DHX33: variants seen among roughly 807,000 people sequenced by gnomAD.
DHX33 encodes DEAH-box helicase 33, also known as ATP-dependent RNA helicase DHX33.
DHX33 carries 42 observed loss-of-function variants against 72.5 expected under a neutral mutation model. That is an observed-to-expected ratio of 0.58 (90% confidence interval 0.45 to 0.75). The LOEUF (loss-of-function observed/expected upper bound fraction) is 0.75, where lower values mean the gene tolerates loss of function less well. DHX33 is among the 30% of genes least tolerant of loss of function. The pLI is 0.00. For synonymous variants in DHX33, 358 were observed against 366.1 expected, an observed-to-expected ratio of 0.98 and a Z score of 0.25; for missense variants, 842 against 917.5, an observed-to-expected ratio of 0.92 and a Z score of 1.06.
chr17:5,454,410 A>G (rs889879315), intron 6 of DHX33, among the ~76,000 whole-genome samples: 4 of 152,158 alleles, frequency 2.6e-5, no homozygotes, highest in Admixed American at 2.0e-4. Flanking sequence ...AATGCCTCAA[A>G]TCACTTGTGT....
rs1445084445 is a variant in DHX33 at position 5,441,397 on chromosome 17, G to A, written c.*2808C>T. On this transcript the variant is annotated 3_prime_UTR_variant, in exon 12 of 12. Coordinates refer to ENST00000225296, the MANE Select transcript of DHX33 (RefSeq NM_020162.4). ...ACACCTGAGGCATGCAATCTGCTTG[G>A]AGTGCATCTATTTACATGAAGCTGC... 2.0e-5 allele frequency: 3 copies of A among 152,156 alleles called. No homozygotes were observed. The highest frequency in any genetic ancestry group is 1.3e-4 in the Admixed American group (2 of 15,274). The allele number at this position is 152,156 out of a possible 1,614,324, so 9.4% of individuals were successfully genotyped here. A position where few individuals can be genotyped will look rare whatever the true frequency, so the allele number is the denominator to read the frequency against.
Position 5,468,705 on chromosome 17 carries a change from T to A in DHX33, c.155A>T (p.Gln52Leu). ...GGCCGAGGGCTGGGCCAGGGGCGGC[T>A]GCTGCCTCCGGCCTCCTCCTCCTCC... is the stretch of plus-strand genomic sequence containing the variant. ...GRGGGGGRRQ[Q>L]PPLAQPSASP... is the part of the protein sequence containing the mutation. The change falls in exon 1 of 12, where the codon CAG becomes CTG. Residue 52 changes from glutamine to leucine, a missense_variant. Physicochemically the swap from Gln to Leu is moderately radical, Grantham distance 113. Coordinates refer to ENST00000225296, the MANE Select transcript of DHX33 (RefSeq NM_020162.4). The A allele has an allele frequency of 6.2e-7, 1 of 1,611,284 alleles. No homozygotes were observed. Among genetic ancestry groups the A allele is most frequent in the Non-Finnish European group, 8.5e-7 (1 of 1,179,182 alleles).
chr17:5,466,476 T>C (rs1472220380), intron 1 of DHX33, among the ~76,000 whole-genome samples: 1 of 152,144 alleles, frequency 6.6e-6, no homozygotes. Context: ...CCCCCTGCTT[T>C]CAGCCCTCAG....
In DHX33 at chr17:5,462,413, T is replaced by G; in HGVS notation, c.584A>C (p.Glu195Ala). 1 of 1,614,200 alleles carries G rather than the reference T, an allele frequency of 6.2e-7. No individual in the cohort carries two copies. Among genetic ancestry groups the G allele is most frequent in the Non-Finnish European group, 8.5e-7 (1 of 1,180,036 alleles). The change falls in exon 3 of 12, where the codon GAA becomes GCA. Residue 195 changes from glutamate (E) to alanine (A), a missense_variant. Coordinates refer to ENST00000225296, the MANE Select transcript of DHX33 (RefSeq NM_020162.4). ...TGTGTGGATAGTCCGTTCGTGAGCT[T>G]CATCCAAAATGACACAGCTGTATTT... Reference protein sequence around the residue: ...LRKYSCVILDEAHERTIHTDV... With the variant: ...LRKYSCVILDAAHERTIHTDV...
intron 11 of DHX33, among the ~76,000 whole-genome samples, chr17:5,446,585 C>T (rs1037823334): frequency 9.9e-5 from 15 of 152,148 alleles, no homozygotes; most frequent in Non-Finnish European, 1.3e-4. Context: ...ATAAAAAGTA[C>T]TCAGAACAGT....
In DHX33 at chr17:5,453,616, C is replaced by T. The variant is rs146917957; in HGVS notation, c.1360G>A (p.Val454Met). 63 of 1,614,168 alleles carry T rather than the reference C, an allele frequency of 3.9e-5. 1 individual carries two copies. The Middle Eastern group carries it at 4.9e-4, about 13-fold the overall frequency. ...LQLLAMKVPNVLTFDFMSKPS... is the reference protein window; with the variant it reads ...LQLLAMKVPNMLTFDFMSKPS... ...TTCGACATGAAGTCAAAGGTGAGCA[C>T]ATTTGGGACTTTCATTGCTAGAAGC... Residue 454 changes from valine to methionine, a missense_variant, in exon 8 of 12, where the codon GTG (valine) becomes ATG (methionine). Physicochemically the swap from Val to Met is conservative, Grantham distance 21. Transcript: ENST00000225296.
rs749610314 is a variant in DHX33 at position 5,456,034 on chromosome 17, T to C, written c.998A>G (p.Tyr333Cys). ...LVLPLYASLP[Y>C]AQQLRVFQGA... ...TTGGAAGACTCGGAGCTGCTGTGCA[T>C]AGGGCAGGGAGGCGTACAGAGGAAG... Residue 333 changes from tyrosine to cysteine, a missense_variant, in exon 5 of 12, where the codon TAT becomes TGT. Tyr to Cys is a radical substitution (Grantham distance 194). Coordinates refer to ENST00000225296, the MANE Select transcript of DHX33 (RefSeq NM_020162.4). 4 of 1,612,874 alleles carry C rather than the reference T, an allele frequency of 2.5e-6. No homozygotes were observed. In the African/African-American group the frequency reaches 4.0e-5, roughly 16 times the overall value.
In DHX33 at chr17:5,444,024, A is replaced by G; in HGVS notation, c.*181T>C. The G allele has an allele frequency of 1.6e-6, 1 of 621,812 alleles. No individual in the cohort carries two copies. Among genetic ancestry groups the G allele is most frequent in the Non-Finnish European group, 2.6e-6 (1 of 379,702 alleles). 38.5% of individuals were successfully genotyped at this position (621,812 alleles called of 1,614,324 possible). On this transcript the variant is annotated 3_prime_UTR_variant, in exon 12 of 12. Coordinates refer to ENST00000225296, the MANE Select transcript of DHX33 (RefSeq NM_020162.4). The surrounding 1 kb of genome is among the most constrained non-coding windows in gnomAD (Gnocchi z 4.9). ...TTTGAGGTTTCCAGGTACAAATGATATGTCCATGTCTATATGGTTCAGTCC... is the reference window on the plus strand; with the variant it reads ...TTTGAGGTTTCCAGGTACAAATGATGTGTCCATGTCTATATGGTTCAGTCC...
At chr17:5,467,327 C>T (rs577613224) in intron 1 of DHX33, among the ~76,000 whole-genome samples, 85 of 152,290 alleles carry the variant, frequency 5.6e-4, no homozygotes, top group Non-Finnish European at 4.1e-4. Flanking sequence ...CTAGTCAACC[C>T]GAGACCAGGA....
chr17:5,451,997 A>G (rs984944852), intron 8 of DHX33, among the ~76,000 whole-genome samples: 1 of 152,154 alleles, frequency 6.6e-6, no homozygotes. Flanking sequence ...GCATATAGTA[A>G]AACAGTGAAG....
chr17:5,447,856 A>C (rs1232030121), intron 11 of DHX33, among the ~76,000 whole-genome samples: 1 of 152,082 alleles, frequency 6.6e-6, no homozygotes, highest in African/African-American at 2.4e-5. Flanking sequence ...TGCAGCACTG[A>C]AAGCCCAGCC....
At chr17:5,456,789 CA>C (rs891115390) in intron 4 of DHX33, among the ~76,000 whole-genome samples, 3 of 152,162 alleles carry the variant, frequency 2.0e-5, no homozygotes, top group Admixed American at 1.3e-4. Flanking sequence ...GTTGACAAAA[CA>C]GAAGGAAACT....
chr17:5,444,095 C>G lies in DHX33; in HGVS notation c.*110G>C. ...TTTCACGCTCCTGGAAGTCAGGCAC[C>G]TTCAGCTGATTCCAAGGCTTCTCTA... On this transcript the variant is annotated 3_prime_UTR_variant, in exon 12 of 12. Coordinates refer to ENST00000225296, the MANE Select transcript of DHX33 (RefSeq NM_020162.4). The surrounding 1 kb of genome is among the most constrained non-coding windows in gnomAD (Gnocchi z 4.9). 2 of 1,323,946 alleles carry G rather than the reference C, an allele frequency of 1.5e-6. No homozygotes were observed. The highest frequency in any genetic ancestry group is 2.0e-6 in the Non-Finnish European group (2 of 977,082). 82.0% of individuals were successfully genotyped at this position (1,323,946 alleles called of 1,614,324 possible).
rs16954727 is a variant in DHX33, at chr17:5,468,563, C to G, written c.289+8G>C. ...TGCAAGGAAGAGCCCGCCGGCGCGG[C>G]CACTCACCGATGAGGACCGCGTTGT... is the stretch of plus-strand genomic sequence containing the variant. On this transcript the variant is annotated splice_region_variant and intron_variant, in intron 1 of 11. Coordinates refer to ENST00000225296, the MANE Select transcript of DHX33 (RefSeq NM_020162.4). The G allele has an allele frequency of 0.019, 31,157 of 1,604,246 alleles. 515 individuals carry two copies. The highest frequency in any genetic ancestry group is 0.073 in the African/African-American group (5,503 of 74,890).
Position 5,443,120 on chromosome 17 carries a change from A to ACCC in DHX33, c.*1082_*1084dup, listed in dbSNP as rs879781810. 10 of 70,808 alleles carry ACCC rather than the reference A, an allele frequency of 1.4e-4. No individual in the cohort carries two copies. The highest frequency in any genetic ancestry group is 5.7e-4 in the Admixed American group (4 of 6,992). 4.4% of individuals were successfully genotyped at this position (70,808 alleles called of 1,614,324 possible). A position where few individuals can be genotyped will look rare whatever the true frequency, so the allele number is the denominator to read the frequency against. On this transcript the variant is annotated 3_prime_UTR_variant, in exon 12 of 12. Transcript: ENST00000225296. ...TCTAGACTTCACTGAACTGCCCCCCACCCCCCCCGCCCACACACCAAAAAA... is the reference window on the plus strand; with the variant it reads ...TCTAGACTTCACTGAACTGCCCCCCACCCCCCCCCCCGCCCACACACCAAAAAA...
chr17:5,463,042 G>T (rs535104169), intron 2 of DHX33, among the ~76,000 whole-genome samples: 1 of 151,984 alleles, frequency 6.6e-6, no homozygotes, highest in East Asian at 1.9e-4. Context: ...TTGCGCCACT[G>T]CACCTCAGCC....
intron 1 of DHX33, among the ~76,000 whole-genome samples, chr17:5,466,437 C>T (rs1326047518): frequency 6.6e-6 from 1 of 152,130 alleles, no homozygotes; most frequent in African/African-American, 2.4e-5. Context: ...CTCAGCTTCC[C>T]TCCTTTTTCC....
intron 11 of DHX33, among the ~76,000 whole-genome samples, chr17:5,447,541 T>A (rs972838861): frequency 5.3e-5 from 8 of 151,494 alleles, no homozygotes; most frequent in African/African-American, 1.9e-4. Flanking sequence ...GGAGAATTGC[T>A]TGAACACGGG....
chr17:5,463,464 G>A, intron 2 of DHX33, 65 bp downstream of exon 2: 6 of 1,497,538 alleles, frequency 4.0e-6, no homozygotes, highest in Non-Finnish European at 4.6e-6. Flanking sequence ...AAAATAAAAG[G>A]CAGTGGGCAT....
Sources: allele counts gnomAD v4.1 joint callset (sites outside exome capture counted in the v4.1 genomes callset), GRCh38; gene constraint gnomAD v4.1.1; non-coding constraint Gnocchi (gnomAD v3.1); transcripts MANE v1.5; gene names NCBI Gene and HGNC (gene_info 2026-07-23, HGNC 2026-07-21).